RNLS: variants seen among roughly 807,000 people sequenced by gnomAD.
RNLS encodes the protein renalase, FAD dependent amine oxidase.
A neutral mutation model predicts 39.8 loss-of-function variants in RNLS; 39 were observed. The observed-to-expected ratio is 0.98, with a 90% confidence interval of 0.76 to 1.28. The LOEUF is 1.28. Ranked by LOEUF, RNLS falls within the 50% of genes most tolerant of loss-of-function variation. RNLS has a pLI of 0.00. For synonymous variants in RNLS, 147 were observed against 150.7 expected, an observed-to-expected ratio of 0.98 and a Z score of 0.18; for missense variants, 410 against 413.3, an observed-to-expected ratio of 0.99 and a Z score of 0.07.
At chr10:88,281,611 T>C (rs1843012445), downstream of RNLS, among the ~76,000 whole-genome samples, 1 of 152,166 alleles carries the variant, frequency 6.6e-6, no homozygotes, top group Admixed American at 6.6e-5. Flanking sequence ...ATACAAGTCA[T>C]GTTTTAGTTT....
chr10:88,463,372 C>T (rs1843035216), intron 4 of RNLS, among the ~76,000 whole-genome samples: 1 of 151,994 alleles, frequency 6.6e-6, no homozygotes, highest in Non-Finnish European at 1.5e-5. Context: ...CTACCATAAG[C>T]TAGGGGAAAG....
chr10:88,552,869 T>C (rs1254562825), intron 4 of RNLS, among the ~76,000 whole-genome samples: 1 of 152,212 alleles, frequency 6.6e-6, no homozygotes, highest in East Asian at 1.9e-4. Context: ...TTTTCTTTCA[T>C]TCAAATAATA....
At chr10:88,303,284 G>C (rs1564675597) in intron 6 of RNLS, among the ~76,000 whole-genome samples, 1 of 152,202 alleles carries the variant, frequency 6.6e-6, no homozygotes, top group Non-Finnish European at 1.5e-5. Context: ...AGTACAGCCA[G>C]GGATGGCCAT....
At chr10:88,342,663 A>C (rs1848035620) in intron 5 of RNLS, among the ~76,000 whole-genome samples, 1 of 152,222 alleles carries the variant, frequency 6.6e-6, no homozygotes, top group Admixed American at 6.5e-5. Context: ...ATAAATCATA[A>C]AAATAAAATA....
intron 4 of RNLS, among the ~76,000 whole-genome samples, chr10:88,482,630 T>G (rs960902713): frequency 2.0e-5 from 3 of 152,192 alleles, no homozygotes; most frequent in Non-Finnish European, 4.4e-5. Flanking sequence ...TTTGAAGTCC[T>G]TGTCTACAAA....
intron 4 of RNLS, among the ~76,000 whole-genome samples, chr10:88,517,141 G>T (rs920721717): frequency 5.3e-5 from 8 of 151,934 alleles, no homozygotes; most frequent in African/African-American, 1.9e-4. Context: ...ACCTTTGAAA[G>T]CCTTACTCCT....
chr10:88,326,750 G>T (rs1846643835), intron 5 of RNLS, among the ~76,000 whole-genome samples: 1 of 150,820 alleles, frequency 6.6e-6, no homozygotes, highest in Non-Finnish European at 1.5e-5. Context: ...AGATCCAATG[G>T]CAGCTTGCAC....
the RNLS span, among the ~76,000 whole-genome samples, chr10:88,199,697 T>C: frequency 2.6e-5 from 4 of 152,006 alleles, no homozygotes; most frequent in East Asian, 7.7e-4. Flanking sequence ...TCACCTCCCA[T>C]ATAGACCCTC....
chr10:88,385,581 AC>A (rs1428463698), intron 4 of RNLS, among the ~76,000 whole-genome samples: 1 of 152,274 alleles, frequency 6.6e-6, no homozygotes, highest in East Asian at 1.9e-4. Context: ...GAAAAGGTTG[AC>A]CCCACCCTCT....
At chr10:88,564,273 A>G (rs1329148249) in intron 4 of RNLS, among the ~76,000 whole-genome samples, 1 of 152,074 alleles carries the variant, frequency 6.6e-6, no homozygotes, top group Non-Finnish European at 1.5e-5. Flanking sequence ...TCTAGGAAAG[A>G]GAAGCTCAAC....
intron 5 of RNLS, among the ~76,000 whole-genome samples, chr10:88,353,083 TTC>T (rs1195728859): frequency 2.6e-5 from 4 of 152,224 alleles, no homozygotes; most frequent in African/African-American, 9.6e-5. Flanking sequence ...TATTTGATTC[TTC>T]TCTGTTTTCT....
intron 4 of RNLS, among the ~76,000 whole-genome samples, chr10:88,491,286 C>A (rs1254238019): frequency 6.6e-6 from 1 of 152,068 alleles, no homozygotes; most frequent in Non-Finnish European, 1.5e-5. Context: ...TTTAGAAGAC[C>A]CAGTAAGATG....
intron 4 of RNLS, among the ~76,000 whole-genome samples, chr10:88,450,494 T>C (rs1283259579): frequency 1.3e-5 from 2 of 152,100 alleles, no homozygotes; most frequent in Non-Finnish European, 2.9e-5. Context: ...GTTTCCTTTA[T>C]GGAAGGTCCA....
chr10:88,200,516 T>C, the RNLS span, among the ~76,000 whole-genome samples: 1 of 152,238 alleles, frequency 6.6e-6, no homozygotes, highest in Non-Finnish European at 1.5e-5. Flanking sequence ...TTCTTACTGC[T>C]GTAGTGCTTT....
chr10:88,227,083 A>G, the RNLS span, among the ~76,000 whole-genome samples: 1 of 152,340 alleles, frequency 6.6e-6, no homozygotes, highest in East Asian at 1.9e-4. Context: ...TTTGGACTAC[A>G]ACAGCAGAGT....
At chr10:88,386,838 C>T (rs1851887777) in intron 4 of RNLS, among the ~76,000 whole-genome samples, 1 of 152,146 alleles carries the variant, frequency 6.6e-6, no homozygotes, top group African/African-American at 2.4e-5. Context: ...GCAAAATAAC[C>T]ACAATGTATT....
intron 4 of RNLS, among the ~76,000 whole-genome samples, chr10:88,412,146 G>T (rs1454478343): frequency 6.6e-6 from 1 of 152,004 alleles, no homozygotes; most frequent in African/African-American, 2.4e-5. Context: ...AGAGATTGAA[G>T]GCAGGGGGGT....
intron 4 of RNLS, among the ~76,000 whole-genome samples, chr10:88,471,349 T>G (rs748362740): frequency 6.6e-6 from 1 of 152,086 alleles, no homozygotes; most frequent in African/African-American, 2.4e-5. Flanking sequence ...TCCAAAAAAG[T>G]GGAACTGCTA....
At chr10:88,512,526 C>T (rs1188556189) in intron 4 of RNLS, among the ~76,000 whole-genome samples, 2 of 152,080 alleles carry the variant, frequency 1.3e-5, no homozygotes, top group Non-Finnish European at 2.9e-5. Flanking sequence ...TTTTTTATGC[C>T]TGCCTATCCT....
Sources: gnomAD v4.1 joint callset for allele counts (sites outside exome capture counted in the v4.1 genomes callset) on GRCh38, gnomAD v4.1.1 for gene constraint, MANE v1.5 for transcripts, NCBI Gene and HGNC (gene_info 2026-07-23, HGNC 2026-07-21) for gene names.